GABRG3: variants seen among roughly 807,000 people sequenced by gnomAD.
GABRG3 encodes gamma-aminobutyric acid type A receptor subunit gamma3.
A neutral mutation model predicts 48.8 loss-of-function variants in GABRG3; 25 were observed. That is an observed-to-expected ratio of 0.51 (90% CI 0.37 to 0.72). The LOEUF (loss-of-function observed/expected upper bound fraction) is 0.72. Among genes scored for constraint, GABRG3 ranks in the 30% least tolerant of loss-of-function variants. The pLI is 0.00. For missense variants in GABRG3, 394 were observed against 577.9 expected (o/e 0.68, Z 3.26); for synonymous variants, 227 against 217.6 (o/e 1.04, Z -0.38).
At chr15:27,250,468 G>A (rs149643692) in intron 3 of GABRG3, among the ~76,000 whole-genome samples, 1 of 152,278 alleles carries the variant, frequency 6.6e-6, no homozygotes, top group African/African-American at 2.4e-5. Flanking sequence ...GTCTCCCTCT[G>A]TTGTCCAGGC....
intron 9 of GABRG3, 101 bp from the exon 10 acceptor site, chr15:27,532,499 T>C (rs1891447527): frequency 9.2e-7 from 1 of 1,085,170 alleles, no homozygotes; most frequent in Admixed American, 2.5e-5. Context: ...ATCCTCTTTA[T>C]CTATAGGAGA....
At chr15:27,356,668 T>C (rs1325795262) in intron 5 of GABRG3, among the ~76,000 whole-genome samples, 1 of 152,192 alleles carries the variant, frequency 6.6e-6, no homozygotes, top group Non-Finnish European at 1.5e-5. Flanking sequence ...TCCTCAATGT[T>C]TATCAAATTA....
chr15:27,405,031 A>G (rs1269272106), intron 5 of GABRG3, among the ~76,000 whole-genome samples: 1 of 152,228 alleles, frequency 6.6e-6, no homozygotes, highest in Non-Finnish European at 1.5e-5. Context: ...AAGCAAATGG[A>G]CAAACCAAAT....
intron 3 of GABRG3, among the ~76,000 whole-genome samples, chr15:27,217,940 A>G (rs1889317959): frequency 1.3e-5 from 2 of 152,164 alleles, no homozygotes; most frequent in African/African-American, 4.8e-5. Context: ...CCGCAGGGAC[A>G]GAGTAGGGAG....
chr15:27,530,655 C>T (rs963145794), intron 9 of GABRG3: 19 of 470,996 alleles, frequency 4.0e-5, no homozygotes, highest in African/African-American at 3.6e-4. Flanking sequence ...AAGGGTTGCC[C>T]TTTAGATCTC....
chr15:27,343,128 T>C (rs1190687798), intron 5 of GABRG3, among the ~76,000 whole-genome samples: 1 of 152,128 alleles, frequency 6.6e-6, no homozygotes, highest in African/African-American at 2.4e-5. Context: ...TACTGTGCAG[T>C]GCCTCGGGCT....
At chr15:27,271,566 G>T (rs762886609) in intron 3 of GABRG3, 8 of 454,348 alleles carry the variant, frequency 1.8e-5, no homozygotes, top group Non-Finnish European at 4.4e-6. Context: ...GGGTACAGAA[G>T]AGGATGGCTG....
At chr15:27,099,240 C>G (rs1353632713) in intron 3 of GABRG3, among the ~76,000 whole-genome samples, 2 of 152,184 alleles carry the variant, frequency 1.3e-5, no homozygotes, top group Non-Finnish European at 2.9e-5. Flanking sequence ...CTAAGCCACT[C>G]TGATGACAGT....
At chr15:27,183,515 G>A (rs1237012341) in intron 3 of GABRG3, among the ~76,000 whole-genome samples, 1 of 152,210 alleles carries the variant, frequency 6.6e-6, no homozygotes, top group Non-Finnish European at 1.5e-5. Flanking sequence ...ATTGTGAAGG[G>A]GGTGAAGAGG....
At chr15:27,184,322 AG>A (rs1888025976) in intron 3 of GABRG3, among the ~76,000 whole-genome samples, 3 of 152,296 alleles carry the variant, frequency 2.0e-5, no homozygotes, top group Admixed American at 2.0e-4. Context: ...CCTGACAGAA[AG>A]GGTAACTGGG....
chr15:27,472,241 T>C (rs1264379251), intron 5 of GABRG3, among the ~76,000 whole-genome samples: 6 of 152,134 alleles, frequency 3.9e-5, no homozygotes, highest in Non-Finnish European at 8.8e-5. Context: ...TTAATTCCTT[T>C]CTGTCTTCTG....
rs973457788 is a variant in GABRG3 at position 26,971,597 on chromosome 15, C to T, written c.53+9C>T. The T allele has an allele frequency of 3.3e-6, 5 of 1,526,724 alleles. No homozygotes were observed. The highest frequency in any genetic ancestry group is 3.5e-6 in the Non-Finnish European group (4 of 1,138,042). 94.6% of individuals were successfully genotyped at this position (1,526,724 alleles called of 1,614,324 possible). A position where few individuals can be genotyped will look rare whatever the true frequency, so the allele number is the denominator to read the frequency against. On this transcript the variant is annotated intron_variant, in intron 1 of 9. Transcript: ENST00000615808. ...TCGGGCTTGCACGCGCGGTAAGTGG[C>T]GCGGGGGCCGCATCCCCGGAGGCCC...
At chr15:27,499,626 A>G (rs1431641931) in intron 6 of GABRG3, among the ~76,000 whole-genome samples, 1 of 152,258 alleles carries the variant, frequency 6.6e-6, no homozygotes, top group Non-Finnish European at 1.5e-5. Flanking sequence ...CGTAGCTCTT[A>G]TTGAAGGAAT....
At chr15:27,192,983 C>T (rs1486812224) in intron 3 of GABRG3, among the ~76,000 whole-genome samples, 1 of 152,194 alleles carries the variant, frequency 6.6e-6, no homozygotes, top group East Asian at 1.9e-4. Flanking sequence ...GAGGTCCACT[C>T]CAGACCCTGT....
chr15:27,388,875 G>A (rs912219730), intron 5 of GABRG3, among the ~76,000 whole-genome samples: 1 of 152,138 alleles, frequency 6.6e-6, no homozygotes, highest in Non-Finnish European at 1.5e-5. Flanking sequence ...GGAAGAGAGA[G>A]AGACAGAGAG....
At chr15:27,113,874 A>G (rs1897597319) in intron 3 of GABRG3, among the ~76,000 whole-genome samples, 1 of 152,206 alleles carries the variant, frequency 6.6e-6, no homozygotes. Context: ...AAGGTGGACA[A>G]ATACTTGAGT....
intron 3 of GABRG3, among the ~76,000 whole-genome samples, chr15:27,174,601 T>TCTCA (rs1887684831): frequency 1.3e-5 from 2 of 151,652 alleles, no homozygotes; most frequent in South Asian, 4.2e-4. Context: ...TCTCTCTCTC[T>TCTCA]CTCTCTCTCT....
Position 27,532,967 on chromosome 15 carries a change from A to G in GABRG3, c.*86A>G. 1 of 1,297,172 alleles carries G rather than the reference A, an allele frequency of 7.7e-7. No homozygotes were observed. The highest frequency in any genetic ancestry group is 1.1e-6 in the Non-Finnish European group (1 of 937,422). 80.4% of individuals were successfully genotyped at this position (1,297,172 alleles called of 1,614,324 possible). A position where few individuals can be genotyped will look rare whatever the true frequency, so the allele number is the denominator to read the frequency against. On this transcript the variant is annotated 3_prime_UTR_variant, in exon 10 of 10. Transcript: ENST00000615808. ...AGACCAGTAGTGACCAATCGGGAGTAGCAAGGAAGGACACTGCCCAGTGTA... is the reference window on the plus strand; with the variant it reads ...AGACCAGTAGTGACCAATCGGGAGTGGCAAGGAAGGACACTGCCCAGTGTA...
chr15:27,503,981 G>A (rs1890703570), intron 6 of GABRG3, among the ~76,000 whole-genome samples: 1 of 151,874 alleles, frequency 6.6e-6, no homozygotes, highest in Non-Finnish European at 1.5e-5. Context: ...GATTAATATA[G>A]GCTCTTGAGC....
Sources: gnomAD v4.1 joint callset for allele counts (sites outside exome capture counted in the v4.1 genomes callset) on GRCh38, gnomAD v4.1.1 for gene constraint, MANE v1.5 for transcripts, NCBI Gene and HGNC (gene_info 2026-07-23, HGNC 2026-07-21) for gene names.